The following CFTR variants were observed in gnomAD, a reference collection of about 807,000 sequenced individuals.
CFTR encodes the protein CF transmembrane conductance regulator.
A neutral mutation model predicts 171.6 loss-of-function variants in CFTR; 181 were observed. The observed-to-expected ratio is 1.05, with a 90% CI of 0.93 to 1.19. CFTR has a LOEUF of 1.19. CFTR is among the 50% of genes most tolerant of loss of function. The pLI is 0.00. For missense variants in CFTR, 1,968 were observed against 1,734.7 expected (o/e 1.13, Z -2.39); for synonymous variants, 583 against 608.0 (o/e 0.96, Z 0.60).
chr7:117,646,006 G>A (rs1792990867), intron 23 of CFTR, among the ~76,000 whole-genome samples: 1 of 152,218 alleles, frequency 6.6e-6, no homozygotes, highest in African/African-American at 2.4e-5. Flanking sequence ...ACATTGTTTT[G>A]TGCTGAATCA....
intron 22 of CFTR, among the ~76,000 whole-genome samples, chr7:117,639,002 G>T (rs1241062147): frequency 3.3e-5 from 5 of 151,976 alleles, no homozygotes; most frequent in African/African-American, 1.2e-4. Context: ...CCCTTCTTGG[G>T]GGGGAAAAAA....
chr7:117,551,303 A>G (rs578133063), intron 10 of CFTR, among the ~76,000 whole-genome samples: 2 of 152,338 alleles, frequency 1.3e-5, no homozygotes, highest in East Asian at 3.9e-4. Flanking sequence ...TAAGTGAATA[A>G]AGAGTTACAA....
At chr7:117,641,975 A>G (rs762638834) in intron 22 of CFTR, among the ~76,000 whole-genome samples, 36 of 152,166 alleles carry the variant, frequency 2.4e-4, no homozygotes, top group Non-Finnish European at 4.4e-4. Flanking sequence ...AACTTCACCA[A>G]ATTAATTTAT....
intron 3 of CFTR, among the ~76,000 whole-genome samples, chr7:117,520,874 G>A (rs1028611783): frequency 2.6e-5 from 4 of 151,690 alleles, no homozygotes; most frequent in Non-Finnish European, 5.9e-5. Flanking sequence ...CTACTCTTAC[G>A]GTGCTAAAAA....
chr7:117,605,987 G>A (rs1792294515), intron 17 of CFTR, among the ~76,000 whole-genome samples: 3 of 152,124 alleles, frequency 2.0e-5, no homozygotes. Flanking sequence ...TTCCTCAAGG[G>A]CAAGGAGCAT....
intron 25 of CFTR, 108 bp downstream of exon 25, chr7:117,664,968 G>C: frequency 8.4e-7 from 1 of 1,188,946 alleles, no homozygotes; most frequent in Non-Finnish European, 1.3e-6. Flanking sequence ...GCGTGTGGGG[G>C]TCTCCCCCAA....
rs1417376399 is a variant in CFTR at position 117,603,700 on chromosome 7, C to T, written c.2826C>T (p.Ile942=). 6.2e-7 allele frequency: 1 copy of T among 1,614,064 alleles called. No homozygotes were observed. The highest frequency in any genetic ancestry group is 1.7e-5 in the Admixed American group (1 of 59,990). The part of the protein sequence containing the change: ...FRGLPLVHTL[I]TVSKILHHKM... Reference sequence around the variant, plus strand: ...GTCTACCACTGGTGCATACTCTAATCACAGTGTCGAAAATTTTACACCACA... The same window carrying T: ...GTCTACCACTGGTGCATACTCTAATTACAGTGTCGAAAATTTTACACCACA... Residue 942 remains isoleucine, a synonymous_variant, in exon 17 of 27, where the codon ATC becomes ATT. Transcript: ENST00000003084.
At chr7:117,551,273 G>A (rs1167351918) in intron 10 of CFTR, among the ~76,000 whole-genome samples, 3 of 152,068 alleles carry the variant, frequency 2.0e-5, no homozygotes, top group African/African-American at 4.8e-5. Flanking sequence ...TGACTGTGAC[G>A]GATGTATATG....
At chr7:117,535,833 C>T (rs915998624) in intron 6 of CFTR, among the ~76,000 whole-genome samples, 3 of 151,996 alleles carry the variant, frequency 2.0e-5, no homozygotes, top group African/African-American at 7.2e-5. Flanking sequence ...CGCGCCCGGC[C>T]TAAAAAATAC....
At chr7:117,665,793 G>A (rs1793366299) in intron 26 of CFTR, among the ~76,000 whole-genome samples, 2 of 152,146 alleles carry the variant, frequency 1.3e-5, no homozygotes, top group Admixed American at 6.5e-5. Flanking sequence ...ATATTACTAA[G>A]TTATGTTTAT....
chr7:117,657,391 A>G (rs1276027242), intron 24 of CFTR, among the ~76,000 whole-genome samples: 1 of 152,194 alleles, frequency 6.6e-6, no homozygotes, highest in East Asian at 1.9e-4. Context: ...TGCTTTGAGT[A>G]GTAGTGCTAA....
chr7:117,552,327 T>G (rs1201474646), intron 10 of CFTR, among the ~76,000 whole-genome samples: 1 of 152,088 alleles, frequency 6.6e-6, no homozygotes, highest in African/African-American at 2.4e-5. Flanking sequence ...ACCTGGATTA[T>G]CAGAGCTATA....
intron 3 of CFTR, among the ~76,000 whole-genome samples, chr7:117,516,892 T>C (rs540322809): frequency 2.6e-5 from 4 of 152,332 alleles, no homozygotes; most frequent in African/African-American, 7.2e-5. Flanking sequence ...ACTTAAATTC[T>C]CTTCATCTCA....
rs397508591 is a variant in CFTR at position 117,627,687 on chromosome 7, G to C, written c.3634G>C (p.Val1212Leu). ...DIWPSGGQMT[V>L]KDLTAKYTEG... ...CTGGCCCTCAGGGGGCCAAATGACT[G>C]TCAAAGATCTCACAGCAAAATACAC... Residue 1212 changes from valine (V) to leucine (L), a missense_variant, in exon 22 of 27, where the codon GTC becomes CTC. Physicochemically the swap from Val to Leu is conservative, Grantham distance 32. Transcript: ENST00000003084. 1.2e-6 allele frequency: 2 copies of C among 1,613,162 alleles called. No individual in the cohort carries two copies. The highest frequency in any genetic ancestry group is 1.7e-6 in the Non-Finnish European group (2 of 1,179,514).
In CFTR at chr7:117,623,192, T is replaced by TG. The variant is rs904618743; in HGVS notation, c.3469-4326dup. Among the ~76,000 whole-genome samples the TG allele has an allele frequency of 3.7e-4, 57 of 152,310 alleles. 1 individual carries two copies. Among genetic ancestry groups the TG allele is most frequent in the African/African-American group, 1.3e-3 (54 of 41,564 alleles). On this transcript the variant is annotated intron_variant, in intron 21 of 26. Coordinates refer to ENST00000003084, the MANE Select transcript of CFTR (RefSeq NM_000492.4). ...AGTATTCTTCCCCACAAATGAAGAA[T>TG]GGGGTTCATTGTGTCATTGGTTGGG...
chr7:117,627,314 C>T (rs571963236), intron 21 of CFTR, among the ~76,000 whole-genome samples: 1 of 152,076 alleles, frequency 6.6e-6, no homozygotes, highest in South Asian at 2.1e-4. Context: ...TATACAGAGC[C>T]CATTTATATA....
At chr7:117,482,627 T>C (rs1798015799) in intron 1 of CFTR, among the ~76,000 whole-genome samples, 1 of 152,206 alleles carries the variant, frequency 6.6e-6, no homozygotes, top group African/African-American at 2.4e-5. Flanking sequence ...CTAGAAGTGA[T>C]ATATTAGCAT....
intron 7 of CFTR, among the ~76,000 whole-genome samples, chr7:117,539,605 G>T (rs1799014087): frequency 6.6e-6 from 1 of 151,968 alleles, no homozygotes; most frequent in African/African-American, 2.4e-5. Context: ...TCAAAGCCAA[G>T]TTAGAATTTC....
intron 22 of CFTR, among the ~76,000 whole-genome samples, chr7:117,638,775 TA>T (rs1562922258): frequency 6.9e-6 from 1 of 144,598 alleles, no homozygotes; most frequent in Non-Finnish European, 1.5e-5. Flanking sequence ...ATAATAAAAA[TA>T]AAAAAATAAA....
Sources: allele counts gnomAD v4.1 joint callset (sites outside exome capture counted in the v4.1 genomes callset), GRCh38; gene constraint gnomAD v4.1.1; transcripts MANE v1.5; gene names NCBI Gene and HGNC (gene_info 2026-07-23, HGNC 2026-07-21).